SCAPER: variants seen among roughly 807,000 people sequenced by gnomAD.
SCAPER encodes S phase cyclin A-associated protein in the endoplasmic reticulum.
In SCAPER, 98 loss-of-function variants were observed where a neutral mutation model predicts 182.2. The observed-to-expected ratio is 0.54, with a 90% CI of 0.46 to 0.64. The LOEUF is 0.64. Among genes scored for constraint, SCAPER ranks in the 30% least tolerant of loss-of-function variants. The pLI is 0.00. For missense variants in SCAPER, 1,432 were observed against 1,690.0 expected (o/e 0.85, Z 2.68); for synonymous variants, 605 against 564.6 (o/e 1.07, Z -1.01).
intron 16 of SCAPER, among the ~76,000 whole-genome samples, chr15:76,729,287 T>A (rs981186939): frequency 7.8e-6 from 1 of 128,592 alleles, no homozygotes; most frequent in East Asian, 2.6e-4. Context: ...CACACATATA[T>A]ATACACATAC....
At chr15:76,656,203 T>C (rs2055620360) in intron 21 of SCAPER, among the ~76,000 whole-genome samples, 1 of 152,042 alleles carries the variant, frequency 6.6e-6, no homozygotes. Context: ...AGTAAAGGGA[T>C]GGAGAAAAAT....
At chr15:76,526,773 CCT>C (rs769876891) in intron 23 of SCAPER, among the ~76,000 whole-genome samples, 14 of 151,658 alleles carry the variant, frequency 9.2e-5, no homozygotes, top group East Asian at 1.9e-4. Flanking sequence ...TTCATTTTTG[CCT>C]CTTTTTTCAT....
intron 21 of SCAPER, among the ~76,000 whole-genome samples, chr15:76,660,856 A>G (rs1380792623): frequency 6.6e-6 from 1 of 152,174 alleles, no homozygotes; most frequent in Non-Finnish European, 1.5e-5. Context: ...ATTAGAGCTT[A>G]TAAGTCAATT....
chr15:76,775,723 A>G lies in SCAPER; in HGVS notation c.773-606T>C, dbSNP rs75488621. ...AATAAACTATTTTTAGGATAAAATT[A>G]TAGGATATTAATTGATAGCACCCAG... On this transcript the variant is annotated intron_variant, in intron 8 of 31. Transcript: ENST00000563290. 7.9e-3 allele frequency among the ~76,000 whole-genome samples: 1,208 copies of G among 152,292 alleles called. 13 individuals carry two copies. The highest frequency in any genetic ancestry group is 0.028 in the African/African-American group (1,146 of 41,546).
intron 20 of SCAPER, among the ~76,000 whole-genome samples, chr15:76,688,902 G>A (rs935585940): frequency 6.9e-6 from 1 of 144,168 alleles, no homozygotes; most frequent in Non-Finnish European, 1.5e-5. Context: ...AGGCTGGAGT[G>A]CCCTGGCACG....
chr15:76,858,309 G>GT (rs937156738), intron 3 of SCAPER, among the ~76,000 whole-genome samples: 1 of 152,000 alleles, frequency 6.6e-6, no homozygotes, highest in Non-Finnish European at 1.5e-5. Context: ...CCAATATTTT[G>GT]TTTTATCTGA....
At chr15:76,471,145 G>A (rs1473727313) in intron 25 of SCAPER, 67 bp downstream of exon 25, 14 of 1,175,584 alleles carry the variant, frequency 1.2e-5, no homozygotes, top group Non-Finnish European at 8.7e-6. Flanking sequence ...AATTCTTTTA[G>A]TTTTCTCCAC....
intron 23 of SCAPER, among the ~76,000 whole-genome samples, chr15:76,537,331 C>T (rs892352758): frequency 6.6e-6 from 1 of 152,082 alleles, no homozygotes; most frequent in Non-Finnish European, 1.5e-5. Flanking sequence ...TGCAAGGCTA[C>T]AGTAACCAAA....
chr15:76,815,764 G>A (rs1374898541), intron 5 of SCAPER, among the ~76,000 whole-genome samples: 1 of 152,138 alleles, frequency 6.6e-6, no homozygotes, highest in Non-Finnish European at 1.5e-5. Context: ...ACAGTCTAAT[G>A]CCTGATCATC....
intron 1 of SCAPER, among the ~76,000 whole-genome samples, chr15:76,900,080 AGG>A (rs1462966112): frequency 3.3e-4 from 50 of 152,302 alleles, no homozygotes; most frequent in African/African-American, 1.1e-3. Context: ...GTGTCAACTC[AGG>A]GTTAAATGGA....
At chr15:76,377,913 CTCAG>C (rs753216400) in intron 28 of SCAPER, among the ~76,000 whole-genome samples, 3 of 152,236 alleles carry the variant, frequency 2.0e-5, no homozygotes, top group Non-Finnish European at 4.4e-5. Context: ...TTTTCAGAAA[CTCAG>C]TCAGTTCACA....
intron 3 of SCAPER, 145 bp downstream of exon 3, chr15:76,862,271 T>C: frequency 1.9e-6 from 1 of 534,022 alleles, no homozygotes; most frequent in Admixed American, 3.4e-5. Context: ...CATGTGTGTA[T>C]AAAAGCAACA....
chr15:76,735,639 T>C (rs1414413615), intron 15 of SCAPER, among the ~76,000 whole-genome samples: 6 of 147,682 alleles, frequency 4.1e-5, no homozygotes, highest in African/African-American at 1.5e-4. Context: ...GAGATGGAGG[T>C]TGCAGTGAGC....
At chr15:76,752,636 C>T (rs1019352669) in intron 15 of SCAPER, among the ~76,000 whole-genome samples, 3 of 151,662 alleles carry the variant, frequency 2.0e-5, no homozygotes, top group Non-Finnish European at 4.4e-5. Flanking sequence ...GATAAAATTA[C>T]ACCATATCAT....
intron 6 of SCAPER, among the ~76,000 whole-genome samples, chr15:76,803,376 T>C (rs755719406): frequency 3.9e-5 from 6 of 152,236 alleles, no homozygotes; most frequent in Admixed American, 1.3e-4. Context: ...GAAGCCTTCC[T>C]AGACTTAGCA....
chr15:76,719,188 T>C (rs1445314326), intron 17 of SCAPER, among the ~76,000 whole-genome samples: 1 of 152,140 alleles, frequency 6.6e-6, no homozygotes, highest in Non-Finnish European at 1.5e-5. Flanking sequence ...GAAACTGTAG[T>C]ATACATACCA....
intron 23 of SCAPER, among the ~76,000 whole-genome samples, chr15:76,541,464 G>A (rs966808347): frequency 3.2e-4 from 49 of 152,162 alleles, no homozygotes; most frequent in African/African-American, 1.2e-3. Flanking sequence ...TTCTCTTTAG[G>A]GGAATTCAAT....
intron 29 of SCAPER, among the ~76,000 whole-genome samples, chr15:76,375,561 T>C (rs555040145): frequency 1.3e-5 from 2 of 152,302 alleles, no homozygotes; most frequent in East Asian, 3.9e-4. Context: ...GGTAAGGAAG[T>C]AGATAGTAAA....
At chr15:76,780,314 C>T (rs529957089) in intron 8 of SCAPER, among the ~76,000 whole-genome samples, 37 of 152,336 alleles carry the variant, frequency 2.4e-4, no homozygotes, top group Admixed American at 1.9e-3. Context: ...AGGCTACAGT[C>T]GGGCAGGGGG....
Sources: gnomAD v4.1 joint callset for allele counts (sites outside exome capture counted in the v4.1 genomes callset) on GRCh38, gnomAD v4.1.1 for gene constraint, MANE v1.5 for transcripts, NCBI Gene and HGNC (gene_info 2026-07-23, HGNC 2026-07-21) for gene names.